CDK14: variants seen among roughly 807,000 people sequenced by gnomAD.
CDK14 encodes cyclin dependent kinase 14.
CDK14 carries 34 observed loss-of-function variants against 60.7 expected under a neutral mutation model. The ratio of observed to expected loss-of-function variants is 0.56; its 90% CI spans 0.43 to 0.75. The LOEUF (loss-of-function observed/expected upper bound fraction) is 0.75. CDK14 is among the 30% of genes least tolerant of loss of function. The pLI is 0.00. For synonymous variants in CDK14, 197 were observed against 203.7 expected (o/e 0.97, Z 0.28); for missense variants, 482 against 564.1 (o/e 0.85, Z 1.47).
At chr7:91,075,643 A>T (rs977965625) in intron 11 of CDK14, among the ~76,000 whole-genome samples, 5 of 152,202 alleles carry the variant, frequency 3.3e-5, no homozygotes, top group Non-Finnish European at 5.9e-5. Flanking sequence ...GAAAGAAATA[A>T]AGGATATTCA....
intron 2 of CDK14, among the ~76,000 whole-genome samples, chr7:90,629,895 C>T (rs961717491): frequency 7.2e-5 from 11 of 152,052 alleles, no homozygotes; most frequent in African/African-American, 4.8e-5. Context: ...GGCGTGGTGG[C>T]GTGCGCCTGT....
intron 3 of CDK14, among the ~76,000 whole-genome samples, chr7:90,735,347 G>C (rs1803049177): frequency 6.6e-6 from 1 of 152,234 alleles, no homozygotes. Flanking sequence ...TGTGCTGGGA[G>C]ATCCGCTGCT....
chr7:90,829,402 C>A (rs899495088), intron 5 of CDK14, among the ~76,000 whole-genome samples: 3 of 152,204 alleles, frequency 2.0e-5, no homozygotes, highest in Non-Finnish European at 4.4e-5. Flanking sequence ...AAATCGAAAA[C>A]AACTTAGTTA....
At chr7:91,093,696 A>G (rs1291481375) in intron 12 of CDK14, among the ~76,000 whole-genome samples, 1 of 152,216 alleles carries the variant, frequency 6.6e-6, no homozygotes, top group Non-Finnish European at 1.5e-5. Context: ...AAGAAAATAA[A>G]TCATATTACC....
intron 5 of CDK14, among the ~76,000 whole-genome samples, chr7:90,818,868 ATG>A (rs1789443981): frequency 8.2e-6 from 1 of 122,520 alleles, no homozygotes; most frequent in Non-Finnish European, 1.6e-5. Flanking sequence ...CTCTCTCTCT[ATG>A]TGTGTGTGTA....
chr7:91,115,494 G>A lies in CDK14; in HGVS notation c.1295-2571G>A, dbSNP rs373018593. 5.3e-5 allele frequency among the ~76,000 whole-genome samples: 8 copies of A among 152,148 alleles called. No individual in the cohort carries two copies. In the South Asian group the frequency reaches 1.5e-3, roughly 28 times the overall value. On this transcript the variant is annotated intron_variant, in intron 13 of 14. Transcript: ENST00000380050. ...CATCTCCAAATGCCATCACATTAGG[G>A]GTTAGGGCTTCAACAGATGAATTTG...
At chr7:91,195,728 G>T (rs1023050094) in intron 14 of CDK14, among the ~76,000 whole-genome samples, 4 of 152,188 alleles carry the variant, frequency 2.6e-5, no homozygotes, top group African/African-American at 9.6e-5. Flanking sequence ...CTTTACAGTG[G>T]CAGCTCAAGA....
intron 6 of CDK14, among the ~76,000 whole-genome samples, chr7:90,865,696 A>G (rs1331187712): frequency 2.0e-5 from 3 of 152,194 alleles, no homozygotes; most frequent in African/African-American, 7.2e-5. Context: ...TAAGACAAAT[A>G]TGGCCACAAT....
intron 14 of CDK14, among the ~76,000 whole-genome samples, chr7:91,203,178 C>T (rs1003758928): frequency 1.4e-5 from 2 of 145,894 alleles, no homozygotes; most frequent in Non-Finnish European, 1.5e-5. Flanking sequence ...TACCAACCAT[C>T]CTCAGGCTGG....
intron 10 of CDK14, among the ~76,000 whole-genome samples, chr7:91,013,272 G>A (rs3808289): frequency 0.51 from 77,323 of 151,840 alleles, 20,279 homozygotes; most frequent in Middle Eastern, 0.59. Context: ...TTGTTCTTCA[G>A]TAGGAGATAG....
chr7:90,972,983 G>A (rs2117635445), intron 9 of CDK14, among the ~76,000 whole-genome samples: 3 of 152,292 alleles, frequency 2.0e-5, no homozygotes, highest in Admixed American at 2.0e-4. Context: ...ATTAAAGGAT[G>A]AGAAGCACTG....
intron 13 of CDK14, among the ~76,000 whole-genome samples, 175 bp from the exon 14 acceptor site, chr7:91,117,890 G>A (rs1004636378): frequency 1.3e-5 from 2 of 152,074 alleles, no homozygotes; most frequent in African/African-American, 2.4e-5. Flanking sequence ...CCTATCATAT[G>A]TTTGCAAATG....
intron 11 of CDK14, among the ~76,000 whole-genome samples, chr7:91,047,035 ACTT>A (rs2116031761): frequency 6.6e-6 from 1 of 152,250 alleles, no homozygotes; most frequent in African/African-American, 2.4e-5. Context: ...ATTCTAAATA[ACTT>A]CTATGTTCTG....
At chr7:90,828,454 C>T (rs770990357) in intron 5 of CDK14, among the ~76,000 whole-genome samples, 12 of 152,304 alleles carry the variant, frequency 7.9e-5, no homozygotes, top group South Asian at 6.2e-4. Context: ...TCTTCTGAAT[C>T]GGGAGACACC....
At chr7:90,751,319 A>G (rs1019614548) in intron 4 of CDK14, among the ~76,000 whole-genome samples, 1 of 152,224 alleles carries the variant, frequency 6.6e-6, no homozygotes, top group Non-Finnish European at 1.5e-5. Flanking sequence ...AGCTAACAGC[A>G]GATTTCTCAG....
chr7:90,975,812 T>G (rs1237466550), intron 9 of CDK14, among the ~76,000 whole-genome samples: 1 of 152,184 alleles, frequency 6.6e-6, no homozygotes, highest in African/African-American at 2.4e-5. Flanking sequence ...GTCCCTGGCT[T>G]ATTTCACTTA....
At chr7:90,822,911 G>T (rs1228465149) in intron 5 of CDK14, among the ~76,000 whole-genome samples, 3 of 152,136 alleles carry the variant, frequency 2.0e-5, no homozygotes, top group Non-Finnish European at 4.4e-5. Flanking sequence ...TATAATGCTT[G>T]CACTGTGTAC....
At chr7:91,018,623 G>T (rs1292796664) in intron 10 of CDK14, among the ~76,000 whole-genome samples, 1 of 152,186 alleles carries the variant, frequency 6.6e-6, no homozygotes, top group Non-Finnish European at 1.5e-5. Context: ...CTGGCAGGAG[G>T]TGATTGGATC....
intron 14 of CDK14, among the ~76,000 whole-genome samples, chr7:91,130,783 G>A (rs1350681810): frequency 6.6e-6 from 1 of 152,046 alleles, no homozygotes; most frequent in Non-Finnish European, 1.5e-5. Context: ...TAATCTTAGG[G>A]GCTGTGACTT....
Sources: gnomAD v4.1 joint callset for allele counts (sites outside exome capture counted in the v4.1 genomes callset) on GRCh38, gnomAD v4.1.1 for gene constraint, MANE v1.5 for transcripts, NCBI Gene and HGNC (gene_info 2026-07-23, HGNC 2026-07-21) for gene names.